PGM2L1: variants seen among roughly 807,000 people sequenced by gnomAD.
PGM2L1 encodes the protein phosphoglucomutase 2 like 1.
In PGM2L1, 35 loss-of-function variants were observed where a neutral mutation model predicts 73.4. The ratio of observed to expected loss-of-function variants is 0.48; its 90% CI spans 0.36 to 0.63. The LOEUF is 0.63. Among genes scored for constraint, PGM2L1 ranks in the 30% least tolerant of loss-of-function variants. The pLI, the probability that PGM2L1 is intolerant of heterozygous loss-of-function variation, is 0.00. For synonymous variants in PGM2L1, 225 were observed against 253.8 expected, an observed-to-expected ratio of 0.89 and a Z score of 1.08; for missense variants, 570 against 742.0, an observed-to-expected ratio of 0.77 and a Z score of 2.69.
At chr11:74,391,568 G>T (rs902112195) in intron 1 of PGM2L1, among the ~76,000 whole-genome samples, 9 of 151,884 alleles carry the variant, frequency 5.9e-5, no homozygotes, top group African/African-American at 2.2e-4. Context: ...ATTGTTTCCT[G>T]TTCCTTTTTC....
intron 3 of PGM2L1, among the ~76,000 whole-genome samples, chr11:74,371,191 C>T (rs1296272421): frequency 6.6e-6 from 1 of 152,076 alleles, no homozygotes; most frequent in Non-Finnish European, 1.5e-5. Flanking sequence ...AGTTTAACAA[C>T]TAACATAATT....
intron 1 of PGM2L1, among the ~76,000 whole-genome samples, chr11:74,395,549 C>CCTTTTTT (rs1218218679): frequency 1.5e-5 from 1 of 64,918 alleles, no homozygotes; most frequent in Non-Finnish European, 2.5e-5. Context: ...CCTCGCCTGG[C>CCTTTTTT]TTTTTTTTTT....
At chr11:74,397,726 A>T in intron 1 of PGM2L1, 1 of 226,278 alleles carries the variant, frequency 4.4e-6, no homozygotes, top group Non-Finnish European at 8.5e-6. Flanking sequence ...TGTTTAGGGT[A>T]TAACTTACAA....
chr11:74,382,223 G>A (rs10898982), intron 1 of PGM2L1, among the ~76,000 whole-genome samples: 56,810 of 152,148 alleles, frequency 0.37, 12,613 homozygotes, highest in East Asian at 0.53. Flanking sequence ...CTATGGGTTA[G>A]GAATTCAGAA....
At chr11:74,379,925 TA>T (rs926083260) in intron 1 of PGM2L1, among the ~76,000 whole-genome samples, 5 of 151,076 alleles carry the variant, frequency 3.3e-5, no homozygotes, top group Admixed American at 6.6e-5. Flanking sequence ...AAATTCTGTC[TA>T]AAAAAAAATC....
intron 5 of PGM2L1, among the ~76,000 whole-genome samples, chr11:74,365,606 A>G (rs1440956434): frequency 3.9e-5 from 6 of 152,224 alleles, no homozygotes; most frequent in African/African-American, 1.4e-4. Context: ...CAGACACATG[A>G]AAAAATGCTC....
At chr11:74,350,702 C>T (rs1862336376) in intron 6 of PGM2L1, among the ~76,000 whole-genome samples, 1 of 152,048 alleles carries the variant, frequency 6.6e-6, no homozygotes, top group South Asian at 2.1e-4. Flanking sequence ...CATCATGAAA[C>T]CTTGTCTCTA....
At chr11:74,343,549 A>G in intron 9 of PGM2L1, 133 bp from the exon 10 acceptor site, 1 of 1,299,102 alleles carries the variant, frequency 7.7e-7, no homozygotes, top group Non-Finnish European at 1.0e-6. Context: ...AAAGATTTAT[A>G]CAGTAGCAGA....
chr11:74,354,882 G>A (rs1862418875), intron 5 of PGM2L1: 2 of 858,854 alleles, frequency 2.3e-6, no homozygotes, highest in South Asian at 1.3e-5. Flanking sequence ...CAGGAAAAGG[G>A]GCTTTGTCTT....
intron 5 of PGM2L1, among the ~76,000 whole-genome samples, chr11:74,357,637 C>T (rs1188045177): frequency 6.6e-6 from 1 of 152,208 alleles, no homozygotes; most frequent in Admixed American, 6.5e-5. Context: ...CAAAACTAAA[C>T]ATACTCTTGT....
chr11:74,363,775 T>C (rs115931433), intron 5 of PGM2L1, among the ~76,000 whole-genome samples: 6,305 of 152,174 alleles, frequency 0.041, 426 homozygotes, highest in African/African-American at 0.14. Flanking sequence ...CCGAATTCTA[T>C]TGGAGGTATA....
At chr11:74,354,946 A>G (rs929337574) in intron 5 of PGM2L1, 11 of 938,716 alleles carry the variant, frequency 1.2e-5, no homozygotes, top group Non-Finnish European at 1.7e-5. Context: ...CAGAAATACC[A>G]CACTGTGAAT....
rs991972532 is a variant in PGM2L1 at position 74,391,726 on chromosome 11, T to A, written c.111+6325A>T. Among the ~76,000 whole-genome samples the A allele has an allele frequency of 6.6e-5, 10 of 152,360 alleles. No individual in the cohort carries two copies. The South Asian group carries it at 8.3e-4, about 13-fold the overall frequency. ...AGCTTATTTCCTTTTTATAGTTTGA[T>A]CGTTAGTTAGTTATTAACATCAATA... On this transcript the variant is annotated intron_variant, in intron 1 of 13. Transcript: ENST00000298198.
At chr11:74,345,255 ATC>A (rs1210367731) in intron 9 of PGM2L1, among the ~76,000 whole-genome samples, 1 of 152,310 alleles carries the variant, frequency 6.6e-6, no homozygotes, top group South Asian at 2.1e-4. Context: ...TTTAAAGAAT[ATC>A]TCATCTTAGT....
chr11:74,397,144 T>C (rs1863188972), intron 1 of PGM2L1, among the ~76,000 whole-genome samples: 1 of 152,222 alleles, frequency 6.6e-6, no homozygotes, highest in Non-Finnish European at 1.5e-5. Flanking sequence ...CTTAATTCAG[T>C]GTCATTAATT....
At chr11:74,361,507 G>C (rs1862563023) in intron 5 of PGM2L1, among the ~76,000 whole-genome samples, 1 of 152,150 alleles carries the variant, frequency 6.6e-6, no homozygotes, top group Non-Finnish European at 1.5e-5. Context: ...CCCTGCAAAG[G>C]AACACGGCTC....
chr11:74,361,143 C>T (rs921146242), intron 5 of PGM2L1, among the ~76,000 whole-genome samples: 1 of 152,126 alleles, frequency 6.6e-6, no homozygotes, highest in Non-Finnish European at 1.5e-5. Context: ...CTGGGAGGCA[C>T]CCCCCAGTAG....
Position 74,335,025 on chromosome 11 carries a change from T to A in PGM2L1, c.*1627A>T, listed in dbSNP as rs929259028. 3 of 151,508 alleles carry A rather than the reference T, an allele frequency of 2.0e-5. No individual in the cohort carries two copies. The highest frequency in any genetic ancestry group is 2.9e-5 in the Non-Finnish European group (2 of 67,994). The allele number at this position is 151,508 out of a possible 1,614,324, so 9.4% of individuals were successfully genotyped here. ...CTCAAGCAATCCTCCTGCCTCAGCC[T>A]CCCAAAGCGCTGGTATTACAGATGT... On this transcript the variant is annotated 3_prime_UTR_variant, in exon 14 of 14. Coordinates refer to ENST00000298198, the MANE Select transcript of PGM2L1 (RefSeq NM_173582.6).
chr11:74,338,816 C>G (rs1449284055), intron 12 of PGM2L1, among the ~76,000 whole-genome samples: 1 of 152,160 alleles, frequency 6.6e-6, no homozygotes, highest in Non-Finnish European at 1.5e-5. Flanking sequence ...TGAAAAAGTT[C>G]TAGAGCTCTG....
Sources: gnomAD v4.1 joint callset for allele counts (sites outside exome capture counted in the v4.1 genomes callset) on GRCh38, gnomAD v4.1.1 for gene constraint, MANE v1.5 for transcripts, NCBI Gene and HGNC (gene_info 2026-07-23, HGNC 2026-07-21) for gene names.